The following CRHR1 variants were observed in gnomAD, a reference collection of about 807,000 sequenced individuals.
CRHR1 encodes corticotropin releasing hormone receptor 1, also known as corticotropin-releasing hormone receptor 1.
A neutral mutation model predicts 56.0 loss-of-function variants in CRHR1; 28 were observed. The observed-to-expected ratio is 0.50, with a 90% CI of 0.37 to 0.69. The LOEUF (loss-of-function observed/expected upper bound fraction) is 0.69. Among genes scored for constraint, CRHR1 ranks in the 30% least tolerant of loss-of-function variants. CRHR1 has a pLI of 0.00. For synonymous variants in CRHR1, 195 were observed against 216.5 expected (o/e 0.90, Z 0.87); for missense variants, 376 against 548.0 (o/e 0.69, Z 3.13).
intron 2 of CRHR1, among the ~76,000 whole-genome samples, chr17:45,809,255 A>G (rs891248694): frequency 6.6e-6 from 1 of 152,190 alleles, no homozygotes; most frequent in Non-Finnish European, 1.5e-5. Context: ...TGCAAAGTTG[A>G]TTAAGCTGTG....
chr17:45,805,588 G>A (rs1305344090), intron 1 of CRHR1, among the ~76,000 whole-genome samples: 1 of 152,162 alleles, frequency 6.6e-6, no homozygotes, highest in African/African-American at 2.4e-5. Flanking sequence ...TGGGGTTGGG[G>A]GCCTCAGAAG....
In CRHR1 at chr17:45,834,960, C is replaced by A; in HGVS notation, c.*196C>A. ...ACTCTAGCTCATGAGTGGAAAGTCA[C>A]CTACAGGACTGGGCCGGGCCCAGGG... On this transcript the variant is annotated 3_prime_UTR_variant, in exon 13 of 13. Transcript: ENST00000314537. 1 of 714,864 alleles carries A rather than the reference C, an allele frequency of 1.4e-6. No homozygotes were observed. The highest frequency in any genetic ancestry group is 2.3e-6 in the Non-Finnish European group (1 of 443,554). The allele number at this position is 714,864 out of a possible 1,614,324, so 44.3% of individuals were successfully genotyped here.
chr17:45,785,064 G>T (rs2061309429), intron 1 of CRHR1, among the ~76,000 whole-genome samples: 1 of 152,142 alleles, frequency 6.6e-6, no homozygotes, highest in Non-Finnish European at 1.5e-5. Context: ...CGAGCTGCGA[G>T]TCCGGAGAGA....
intron 1 of CRHR1, among the ~76,000 whole-genome samples, chr17:45,795,235 G>T (rs763981579): frequency 5.9e-5 from 9 of 152,100 alleles, no homozygotes; most frequent in Non-Finnish European, 1.2e-4. Context: ...TGCAATCCAG[G>T]TCCTCTTCCT....
Position 45,821,369 on chromosome 17 carries a change from G to A in CRHR1, c.256G>A (p.Glu86Lys), listed in dbSNP as rs889973758. 6 of 1,613,534 alleles carry A rather than the reference G, an allele frequency of 3.7e-6. No homozygotes were observed. Among genetic ancestry groups the A allele is most frequent in the East Asian group, 2.2e-5 (1 of 44,886 alleles). Residue 86 changes from glutamate to lysine, a missense_variant, in exon 4 of 13, where the codon GAG becomes AAG. Glu to Lys is a moderately conservative substitution (Grantham distance 56). Transcript: ENST00000314537. ...RYNTTNNGYR[E>K]CLANGSWAAR... ...TCCTTTTCCAGACAATGGCTACCGG[G>A]AGTGCCTGGCCAATGGCAGCTGGGC...
intron 1 of CRHR1, among the ~76,000 whole-genome samples, chr17:45,805,938 G>T (rs2061710731): frequency 6.6e-6 from 1 of 152,214 alleles, no homozygotes; most frequent in Non-Finnish European, 1.5e-5. Context: ...CAGCAAAATT[G>T]AGTGCAATGA....
intron 1 of CRHR1, among the ~76,000 whole-genome samples, chr17:45,787,995 G>A (rs2061364553): frequency 6.6e-6 from 1 of 152,154 alleles, no homozygotes; most frequent in Non-Finnish European, 1.5e-5. Flanking sequence ...TGTAGATTAT[G>A]GAAAAGTTGA....
At chr17:45,790,299 C>T (rs1226347898) in intron 1 of CRHR1, among the ~76,000 whole-genome samples, 1 of 152,186 alleles carries the variant, frequency 6.6e-6, no homozygotes, top group East Asian at 1.9e-4. Flanking sequence ...TATTAGACAA[C>T]AGATTCTTAA....
intron 2 of CRHR1, among the ~76,000 whole-genome samples, chr17:45,810,137 T>G (rs1335181777): frequency 6.6e-6 from 1 of 151,920 alleles, no homozygotes; most frequent in Non-Finnish European, 1.5e-5. Flanking sequence ...AATAAAAAAT[T>G]AGCCGGGCTT....
intron 1 of CRHR1, among the ~76,000 whole-genome samples, chr17:45,791,856 A>T (rs868402727): frequency 5.4e-4 from 69 of 128,314 alleles, no homozygotes; most frequent in Middle Eastern, 4.2e-3. Flanking sequence ...TCTCTCTCAC[A>T]CACACACACA....
At chr17:45,816,607 C>A in intron 3 of CRHR1, 25 bp downstream of exon 3, 1 of 1,613,530 alleles carries the variant, frequency 6.2e-7, no homozygotes, top group South Asian at 1.1e-5. Flanking sequence ...GAGGGTGGAC[C>A]ATCTGCTGGG....
chr17:45,813,846 G>A (rs571697712), intron 2 of CRHR1, among the ~76,000 whole-genome samples: 15 of 152,372 alleles, frequency 9.8e-5, no homozygotes, highest in Middle Eastern at 3.4e-3. Flanking sequence ...CAGAGGAGAG[G>A]CAAATGGCTT....
intron 1 of CRHR1, among the ~76,000 whole-genome samples, 182 bp from the exon 2 acceptor site, chr17:45,806,828 G>A (rs898247905): frequency 6.6e-6 from 1 of 152,130 alleles, no homozygotes; most frequent in Admixed American, 6.5e-5. Context: ...AGGCAGAGAG[G>A]ACCCAGAAGG....
At chr17:45,828,152 C>T (rs888051232) in intron 4 of CRHR1, among the ~76,000 whole-genome samples, 1 of 152,198 alleles carries the variant, frequency 6.6e-6, no homozygotes, top group Non-Finnish European at 1.5e-5. Flanking sequence ...GGTTTCTAGG[C>T]CCTGCTTCTT....
intron 3 of CRHR1, among the ~76,000 whole-genome samples, chr17:45,816,862 G>A (rs1235251353): frequency 6.6e-6 from 1 of 152,214 alleles, no homozygotes; most frequent in Non-Finnish European, 1.5e-5. Context: ...AGCTGGTAAG[G>A]GGTGAAGCTG....
rs1468254790 is a variant in CRHR1 at position 45,784,361 on chromosome 17, A to G, written c.-184A>G. ...ACTTCCCCGGGAAGGGGCGAGCGAG[A>G]GCCGGGCCGGGCCGGGCCGGGCCGC... On this transcript the variant is annotated 5_prime_UTR_variant, in exon 1 of 13. Transcript: ENST00000314537. This position sits in a 1 kb window ranked among gnomAD's most constrained non-coding sequence, Gnocchi z 4.2. 1 of 345,704 alleles carries G rather than the reference A, an allele frequency of 2.9e-6. No individual in the cohort carries two copies. The highest frequency in any genetic ancestry group is 5.0e-5 in the East Asian group (1 of 20,072). The allele number at this position is 345,704 out of a possible 1,614,324, so 21.4% of individuals were successfully genotyped here.
intron 12 of CRHR1, among the ~76,000 whole-genome samples, 195 bp from the exon 13 acceptor site, chr17:45,834,429 C>T (rs2062391094): frequency 6.6e-6 from 1 of 152,198 alleles, no homozygotes; most frequent in Non-Finnish European, 1.5e-5. Flanking sequence ...TTCCCCAGGA[C>T]ATTTGAGAAA....
At chr17:45,792,283 G>A (rs747378964) in intron 1 of CRHR1, among the ~76,000 whole-genome samples, 7 of 152,072 alleles carry the variant, frequency 4.6e-5, no homozygotes, top group Non-Finnish European at 7.4e-5. Context: ...TCCTCTTTCT[G>A]CCAACTCTGC....
At chr17:45,818,463 C>G (rs1166938945) in intron 3 of CRHR1, among the ~76,000 whole-genome samples, 1 of 152,262 alleles carries the variant, frequency 6.6e-6, no homozygotes, top group Non-Finnish European at 1.5e-5. Flanking sequence ...CCAGCTGCAT[C>G]TGCAGCTGGT....
Sources: gnomAD v4.1 joint callset for allele counts (sites outside exome capture counted in the v4.1 genomes callset) on GRCh38, gnomAD v4.1.1 for gene constraint, Gnocchi (gnomAD v3.1) non-coding constraint, MANE v1.5 for transcripts, NCBI Gene and HGNC (gene_info 2026-07-23, HGNC 2026-07-21) for gene names.